The following OTULIN variants were observed in gnomAD, a reference collection of about 807,000 sequenced individuals.
OTULIN encodes OTU deubiquitinase with linear linkage specificity.
Under a neutral mutation model 39.6 loss-of-function variants are expected in OTULIN, and 15 were observed. The ratio of observed to expected loss-of-function variants is 0.38; its 90% CI spans 0.25 to 0.58. The LOEUF is 0.58. Ranked by LOEUF, OTULIN falls within the 20% of genes least tolerant of loss-of-function variation. The pLI, the probability that OTULIN is intolerant of heterozygous loss-of-function variation, is 0.66. For synonymous variants in OTULIN, 156 were observed against 170.3 expected (o/e 0.92, Z 0.65); for missense variants, 319 against 445.9 (o/e 0.72, Z 2.56).
the OTULIN span, among the ~76,000 whole-genome samples, chr5:14,712,427 A>G: frequency 6.6e-6 from 1 of 152,228 alleles, no homozygotes. Context: ...AAGCTCTCGG[A>G]CTGCATCTCT....
At chr5:14,667,119 T>G (rs1362815522) in intron 1 of OTULIN, among the ~76,000 whole-genome samples, 1 of 152,200 alleles carries the variant, frequency 6.6e-6, no homozygotes, top group African/African-American at 2.4e-5. Context: ...CTGTAGAAGT[T>G]TTGAGATATC....
In OTULIN at chr5:14,664,780, C is replaced by T. The variant is rs763708153; in HGVS notation, c.-46C>T. On this transcript the variant is annotated 5_prime_UTR_variant, in exon 1 of 7. Transcript: ENST00000284274. ...CCTGGCACCCCGACGGGAGGGGCTC[C>T]GGATCGTTCGGAGCCGGCTGAACCC... 2.8e-5 allele frequency: 32 copies of T among 1,149,784 alleles called. No homozygotes were observed. The highest frequency in any genetic ancestry group is 3.2e-5 in the African/African-American group (2 of 61,728). The allele number at this position is 1,149,784 out of a possible 1,614,324, so 71.2% of individuals were successfully genotyped here.
In OTULIN at chr5:14,692,451, T is replaced by C. The variant is rs555741515; in HGVS notation, c.865-403T>C. On this transcript the variant is annotated intron_variant, in intron 6 of 6. Coordinates refer to ENST00000284274, the MANE Select transcript of OTULIN (RefSeq NM_138348.6). Reference sequence around the variant, plus strand: ...TAGTGGGTGTGAAGTACTATCTCATTGTAGTTGGATTTGGATTTTGATTTC... The same window carrying C: ...TAGTGGGTGTGAAGTACTATCTCATCGTAGTTGGATTTGGATTTTGATTTC... 8.5e-4 allele frequency among the ~76,000 whole-genome samples: 130 copies of C among 152,306 alleles called. 1 individual carries two copies. Among genetic ancestry groups the C allele is most frequent in the African/African-American group, 3.0e-3 (125 of 41,572 alleles).
chr5:14,685,145 A>G (rs1736353274), intron 4 of OTULIN, among the ~76,000 whole-genome samples: 1 of 152,180 alleles, frequency 6.6e-6, no homozygotes, highest in African/African-American at 2.4e-5. Flanking sequence ...ATGTCTCTGA[A>G]CTGGTTAGAC....
At chr5:14,714,500 G>A in the OTULIN span, among the ~76,000 whole-genome samples, 3 of 152,226 alleles carry the variant, frequency 2.0e-5, no homozygotes, top group Admixed American at 1.3e-4. Flanking sequence ...AGGGCTCTTG[G>A]AGGAGGAAGT....
At chr5:14,686,133 A>G (rs1321919276) in intron 4 of OTULIN, among the ~76,000 whole-genome samples, 7 of 152,194 alleles carry the variant, frequency 4.6e-5, no homozygotes, top group Non-Finnish European at 7.3e-5. Flanking sequence ...TGTAGAAACC[A>G]CCTTAGTTCA....
chr5:14,702,484 C>G (rs1210530147), downstream of OTULIN, among the ~76,000 whole-genome samples: 3 of 152,144 alleles, frequency 2.0e-5, no homozygotes, highest in African/African-American at 7.2e-5. Context: ...ATTGGGCCTG[C>G]CAGCCATTTG....
rs1736678732 is a variant in OTULIN, at chr5:14,696,689, A to T, written c.*3641A>T. The T allele has an allele frequency of 6.6e-6, 1 of 152,234 alleles. No individual in the cohort carries two copies. The highest frequency in any genetic ancestry group is 1.5e-5 in the Non-Finnish European group (1 of 68,042). 9.4% of individuals were successfully genotyped at this position (152,234 alleles called of 1,614,324 possible). On this transcript the variant is annotated 3_prime_UTR_variant, in exon 7 of 7. Coordinates refer to ENST00000284274, the MANE Select transcript of OTULIN (RefSeq NM_138348.6). ...AAGTTATAGAAGAATAAAAATCTGA[A>T]TGAATGGAAGGCCTTACGTGTATAC...
In OTULIN at chr5:14,690,723, G is replaced by A. The variant is rs76934238; in HGVS notation, c.864+415G>A. 0.012 allele frequency among the ~76,000 whole-genome samples: 1,862 copies of A among 152,238 alleles called. 39 individuals carry two copies. Among genetic ancestry groups the A allele is most frequent in the African/African-American group, 0.041 (1,720 of 41,540 alleles). On this transcript the variant is annotated intron_variant, in intron 6 of 6. Coordinates refer to ENST00000284274, the MANE Select transcript of OTULIN (RefSeq NM_138348.6). The surrounding 1 kb of genome is among the most constrained non-coding windows in gnomAD (Gnocchi z 4.5). Reference sequence around the variant, plus strand: ...CTAGGATGTCACACACTGTTAGATTGTTTTCTACTTTTTAGAAACAAGTTA... The same window carrying A: ...CTAGGATGTCACACACTGTTAGATTATTTTCTACTTTTTAGAAACAAGTTA...
At position 14,665,655 on chromosome 5, in the gene OTULIN, A is replaced by G. The variant is rs930934333; in HGVS notation, c.152+678A>G. 5.9e-5 allele frequency among the ~76,000 whole-genome samples: 9 copies of G among 152,220 alleles called. No homozygotes were observed. In the East Asian group the frequency reaches 1.3e-3, roughly 23 times the overall value. On this transcript the variant is annotated intron_variant, in intron 1 of 6. Transcript: ENST00000284274. ...CTACACTTTCAAGTTTTAGGCACCTATAAATGCCCTTGGAATTTAAGAAAT... is the reference window on the plus strand; with the variant it reads ...CTACACTTTCAAGTTTTAGGCACCTGTAAATGCCCTTGGAATTTAAGAAAT...
intron 6 of OTULIN, among the ~76,000 whole-genome samples, chr5:14,691,347 T>C (rs1579977522): frequency 6.6e-6 from 1 of 152,256 alleles, no homozygotes; most frequent in Non-Finnish European, 1.5e-5. Flanking sequence ...TGTCCTGGAG[T>C]GTGAGGTCTC....
At chr5:14,712,743 C>T in the OTULIN span, 54 of 915,876 alleles carry the variant, frequency 5.9e-5, no homozygotes, top group Middle Eastern at 3.2e-4. Flanking sequence ...CCCTAAGCCA[C>T]GAGACTGGGC....
chr5:14,670,042 T>C (rs945330069), intron 1 of OTULIN, among the ~76,000 whole-genome samples: 4 of 152,256 alleles, frequency 2.6e-5, no homozygotes, highest in African/African-American at 9.6e-5. Context: ...AGTTTTATCC[T>C]TTATTTGTAT....
At chr5:14,687,913 AAT>A (rs1347763280) in intron 5 of OTULIN, 1 of 246,162 alleles carries the variant, frequency 4.1e-6, no homozygotes, top group Non-Finnish European at 7.6e-6. Flanking sequence ...AACCTTAACA[AAT>A]ATAGTCTTTG....
rs549077134 is a variant in OTULIN at position 14,687,789 on chromosome 5, A to G, written c.594+143A>G. 2,348 of 1,020,626 alleles carry G rather than the reference A, an allele frequency of 2.3e-3. 5 individuals carry two copies. The highest frequency in any genetic ancestry group is 3.0e-3 in the Non-Finnish European group (2,148 of 720,346). 63.2% of individuals were successfully genotyped at this position (1,020,626 alleles called of 1,614,324 possible). ...GGCAAAATGGTTTTAAATGAATTCAAACTCTTCCCACGAGGGCTTTAGTAA... is the reference window on the plus strand; with the variant it reads ...GGCAAAATGGTTTTAAATGAATTCAGACTCTTCCCACGAGGGCTTTAGTAA... On this transcript the variant is annotated intron_variant, in intron 5 of 6. Transcript: ENST00000284274.
intron 2 of OTULIN, among the ~76,000 whole-genome samples, chr5:14,675,685 TG>T (rs2126818773): frequency 6.6e-6 from 1 of 152,366 alleles, no homozygotes; most frequent in East Asian, 1.9e-4. Flanking sequence ...TGGTGGGTCT[TG>T]TAACTCCTAG....
In OTULIN at chr5:14,696,295, C is replaced by T. The variant is rs1736667288; in HGVS notation, c.*3247C>T. 1 of 152,330 alleles carries T rather than the reference C, an allele frequency of 6.6e-6. No individual in the cohort carries two copies. Among genetic ancestry groups the T allele is most frequent in the Admixed American group, 6.5e-5 (1 of 15,304 alleles). The allele number at this position is 152,330 out of a possible 1,614,324, so 9.4% of individuals were successfully genotyped here. Reference sequence around the variant, plus strand: ...ATAGACTTCCTGAATGTGTCTTCTTCAGATACTAAAGTACAGTTGGATCAT... The same window carrying T: ...ATAGACTTCCTGAATGTGTCTTCTTTAGATACTAAAGTACAGTTGGATCAT... On this transcript the variant is annotated 3_prime_UTR_variant, in exon 7 of 7. Coordinates refer to ENST00000284274, the MANE Select transcript of OTULIN (RefSeq NM_138348.6).
chr5:14,682,651 G>A (rs574283783), intron 4 of OTULIN, among the ~76,000 whole-genome samples: 11 of 152,286 alleles, frequency 7.2e-5, no homozygotes, highest in Non-Finnish European at 1.6e-4. Context: ...AATTATGCAA[G>A]CCCACTGTGA....
At chr5:14,711,812 T>C in the OTULIN span, among the ~76,000 whole-genome samples, 1 of 152,230 alleles carries the variant, frequency 6.6e-6, no homozygotes, top group Non-Finnish European at 1.5e-5. Flanking sequence ...CCATGTTGCC[T>C]GTTCTTACAA....
Sources: gnomAD v4.1 joint callset for allele counts (sites outside exome capture counted in the v4.1 genomes callset) on GRCh38, gnomAD v4.1.1 for gene constraint, Gnocchi (gnomAD v3.1) non-coding constraint, MANE v1.5 for transcripts, NCBI Gene and HGNC (gene_info 2026-07-23, HGNC 2026-07-21) for gene names.